The following DGKH variants were observed in gnomAD, a reference collection of about 807,000 sequenced individuals.
DGKH encodes DAG kinase eta.
In DGKH, 90 loss-of-function variants were observed where a neutral mutation model predicts 159.3. The ratio of observed to expected loss-of-function variants is 0.57; its 90% CI spans 0.48 to 0.67. The LOEUF (loss-of-function observed/expected upper bound fraction) is 0.67, where lower values mean the gene tolerates loss of function less well. Ranked by LOEUF, DGKH falls within the 30% of genes least tolerant of loss-of-function variation. DGKH has a pLI of 0.00. For synonymous variants in DGKH, 536 were observed against 553.8 expected (o/e 0.97, Z 0.45); for missense variants, 1,181 against 1,506.1 (o/e 0.78, Z 3.57).
chr13:42,082,239 C>G (rs1954215251), intron 1 of DGKH, among the ~76,000 whole-genome samples: 1 of 151,936 alleles, frequency 6.6e-6, no homozygotes, highest in Non-Finnish European at 1.5e-5. Flanking sequence ...CTACCTTGCT[C>G]AGTCTCACCT....
rs367815507 is a variant in DGKH at position 42,084,502 on chromosome 13, A to G, written c.192+35537A>G. Among the ~76,000 whole-genome samples the G allele has an allele frequency of 9.2e-5, 14 of 152,302 alleles. 1 individual carries two copies. In the East Asian group the frequency reaches 1.9e-3, roughly 21 times the overall value. On this transcript the variant is annotated intron_variant, in intron 1 of 29. Transcript: ENST00000337343. Reference sequence around the variant, plus strand: ...TTCACAATAGCCTCATTCATCTTAAAGAGTTTTATAATTAAAAATTTTAGG... The same window carrying G: ...TTCACAATAGCCTCATTCATCTTAAGGAGTTTTATAATTAAAAATTTTAGG...
intron 11 of DGKH, among the ~76,000 whole-genome samples, chr13:42,170,341 A>G (rs909253953): frequency 4.4e-4 from 67 of 152,274 alleles, no homozygotes; most frequent in African/African-American, 1.5e-3. Flanking sequence ...TGAGCCCAGG[A>G]GGTGGAGGTG....
intron 13 of DGKH, among the ~76,000 whole-genome samples, chr13:42,183,181 C>CT (rs1956821557): frequency 6.6e-6 from 1 of 151,882 alleles, no homozygotes. Context: ...CCTAGCTACT[C>CT]AGGAGGCTGA....
chr13:42,131,808 G>A (rs1955296777), intron 3 of DGKH, among the ~76,000 whole-genome samples: 1 of 152,234 alleles, frequency 6.6e-6, no homozygotes, highest in African/African-American at 2.4e-5. Flanking sequence ...TTGAGGGATT[G>A]TTAACTCATC....
intron 1 of DGKH, chr13:42,070,821 T>G: frequency 7.2e-7 from 1 of 1,395,466 alleles, no homozygotes. Context: ...CATCATCTGT[T>G]AATTGGCTCC....
At chr13:42,219,618 T>A in intron 27 of DGKH, 68 bp from the exon 28 acceptor site, 1 of 1,379,846 alleles carries the variant, frequency 7.2e-7, no homozygotes, top group Non-Finnish European at 9.8e-7. Flanking sequence ...GTGTTATCCC[T>A]ATTATCAGAG....
At position 42,147,627 on chromosome 13, in the gene DGKH, A is replaced by G. The variant is rs145586045; in HGVS notation, c.385-7664A>G. Reference sequence around the variant, plus strand: ...TTCCAATCTCTGGTACAGTCGGAAAATATTAAATGAATGGTAAAACATTTA... The same window carrying G: ...TTCCAATCTCTGGTACAGTCGGAAAGTATTAAATGAATGGTAAAACATTTA... On this transcript the variant is annotated intron_variant, in intron 3 of 29. Transcript: ENST00000337343. Among the ~76,000 whole-genome samples the G allele has an allele frequency of 3.3e-5, 5 of 152,344 alleles. No homozygotes were observed. The East Asian group carries it at 9.6e-4, about 29-fold the overall frequency.
intron 1 of DGKH, among the ~76,000 whole-genome samples, chr13:42,112,544 T>A (rs1954882815): frequency 6.6e-6 from 1 of 152,250 alleles, no homozygotes; most frequent in Admixed American, 6.5e-5. Flanking sequence ...GATGGCCTGT[T>A]CAAAGTGCCT....
At chr13:42,045,784 C>T (rs7319315), upstream of DGKH, among the ~76,000 whole-genome samples, 60,684 of 151,900 alleles carry the variant, frequency 0.4, 12,715 homozygotes, top group African/African-American at 0.54. Context: ...GTATTTATGG[C>T]GTAATATTTA....
Position 42,183,246 on chromosome 13 carries a change from G to A in DGKH, c.1539-3803G>A, listed in dbSNP as rs9533027. Among the ~76,000 whole-genome samples, 4 of 151,474 alleles carry A rather than the reference G, an allele frequency of 2.6e-5. No individual in the cohort carries two copies. The East Asian group carries it at 7.7e-4, about 29-fold the overall frequency. On this transcript the variant is annotated intron_variant, in intron 13 of 29. Transcript: ENST00000337343. ...CGAGGCTGCAGTGAGCTGTGATCACGCCATTGCACTCCAATCTGGATGACA... is the reference window on the plus strand; with the variant it reads ...CGAGGCTGCAGTGAGCTGTGATCACACCATTGCACTCCAATCTGGATGACA...
chr13:42,070,421 A>C (rs1882883088), intron 1 of DGKH: 5 of 1,352,618 alleles, frequency 3.7e-6, no homozygotes, highest in African/African-American at 1.4e-5. Context: ...AACAGTCAGC[A>C]TTTCAGCAGA....
At chr13:42,070,641 T>A in intron 1 of DGKH, 1 of 1,612,136 alleles carries the variant, frequency 6.2e-7, no homozygotes, top group African/African-American at 1.3e-5. Context: ...GTTTGAGATC[T>A]CTGTGCAGTA....
At chr13:42,166,386 T>C in intron 8 of DGKH, 129 bp from the exon 9 acceptor site, 1 of 735,170 alleles carries the variant, frequency 1.4e-6, no homozygotes, top group African/African-American at 1.8e-5. Flanking sequence ...AACCTATCTC[T>C]ATTTGGAGAG....
chr13:42,107,542 G>A (rs2767389), intron 1 of DGKH, among the ~76,000 whole-genome samples: 1 of 151,934 alleles, frequency 6.6e-6, no homozygotes, highest in Non-Finnish European at 1.5e-5. Flanking sequence ...ATTCTGGAGG[G>A]AGGGAGGGAG....
chr13:42,177,179 C>G (rs1260389021), intron 12 of DGKH, among the ~76,000 whole-genome samples: 1 of 152,058 alleles, frequency 6.6e-6, no homozygotes. Flanking sequence ...CCCCTCATGC[C>G]CTCTTTCAGT....
At chr13:42,169,736 A>G (rs1956399716) in intron 11 of DGKH, among the ~76,000 whole-genome samples, 1 of 152,228 alleles carries the variant, frequency 6.6e-6, no homozygotes, top group South Asian at 2.1e-4. Context: ...GTCATAAGGT[A>G]AAATATTTTG....
At chr13:42,147,888 G>T (rs1321726200) in intron 3 of DGKH, among the ~76,000 whole-genome samples, 4 of 152,140 alleles carry the variant, frequency 2.6e-5, no homozygotes, top group Non-Finnish European at 4.4e-5. Flanking sequence ...GTGAGTGAAT[G>T]AAGTCATTAT....
Position 42,215,449 on chromosome 13 carries a change from T to C in DGKH, c.3121-126T>C. Reference sequence around the variant, plus strand: ...ACAAATGTATGAAACTTTGCGATTATAGAATTTTGGTAGATTAAAAATGTG... The same window carrying C: ...ACAAATGTATGAAACTTTGCGATTACAGAATTTTGGTAGATTAAAAATGTG... On this transcript the variant is annotated intron_variant, in intron 25 of 29. Transcript: ENST00000337343. 6.0e-6 allele frequency: 4 copies of C among 666,074 alleles called. No individual in the cohort carries two copies. The South Asian group carries it at 1.2e-4, about 20-fold the overall frequency. 41.3% of individuals were successfully genotyped at this position (666,074 alleles called of 1,614,324 possible).
intron 16 of DGKH, among the ~76,000 whole-genome samples, chr13:42,191,943 T>G (rs910657021): frequency 4.6e-5 from 7 of 152,200 alleles, no homozygotes; most frequent in African/African-American, 1.7e-4. Context: ...GGCAAATTTC[T>G]TAACCTCTTT....
Sources: gnomAD v4.1 joint callset for allele counts (sites outside exome capture counted in the v4.1 genomes callset) on GRCh38, gnomAD v4.1.1 for gene constraint, MANE v1.5 for transcripts, NCBI Gene and HGNC (gene_info 2026-07-23, HGNC 2026-07-21) for gene names.